Variants in PTPRD observed in about 807,000 individuals in gnomAD.
The protein encoded by PTPRD is protein tyrosine phosphatase receptor type D, also known as receptor-type tyrosine-protein phosphatase delta.
In PTPRD, 34 loss-of-function variants were observed where a neutral mutation model predicts 214.5. The observed-to-expected ratio is 0.16, with a 90% CI of 0.12 to 0.21. The LOEUF is 0.21. Among genes scored for constraint, PTPRD ranks in the 10% least tolerant of loss-of-function variants. The pLI, the probability that PTPRD is intolerant of heterozygous loss-of-function variation, is 1.00. For synonymous variants in PTPRD, 1,128 were observed against 845.7 expected (o/e 1.33, Z -5.79); for missense variants, 2,545 against 2,398.7 (o/e 1.06, Z -1.27).
At chr9:10,307,297 C>G (rs1156472931) in intron 3 of PTPRD, among the ~76,000 whole-genome samples, 1 of 152,102 alleles carries the variant, frequency 6.6e-6, no homozygotes, top group Non-Finnish European at 1.5e-5. Context: ...ACATTTTTAG[C>G]TCTCACATAT....
chr9:9,585,312 G>C (rs762874485), intron 7 of PTPRD, among the ~76,000 whole-genome samples: 33 of 152,072 alleles, frequency 2.2e-4, no homozygotes, highest in Non-Finnish European at 4.0e-4. Context: ...TTCGGATCCT[G>C]TCCTTTTTCT....
chr9:10,230,457 T>TATCC (rs1554901611), intron 3 of PTPRD, among the ~76,000 whole-genome samples: 45 of 151,658 alleles, frequency 3.0e-4, no homozygotes, highest in Admixed American at 5.3e-4. Flanking sequence ...TCTATCTATC[T>TATCC]ATCTATCTAT....
intron 3 of PTPRD, among the ~76,000 whole-genome samples, chr9:10,338,147 G>T (rs528761234): frequency 6.6e-6 from 1 of 151,588 alleles, no homozygotes; most frequent in African/African-American, 2.4e-5. Context: ...ACTGGGTCTT[G>T]CTAGCAGTAT....
chr9:8,812,512 A>T (rs2096830691), intron 11 of PTPRD, among the ~76,000 whole-genome samples: 1 of 152,212 alleles, frequency 6.6e-6, no homozygotes, highest in African/African-American at 2.4e-5. Context: ...TAGATGATAA[A>T]GTTATTTAAT....
At chr9:9,632,152 G>A (rs2095615487) in intron 7 of PTPRD, among the ~76,000 whole-genome samples, 1 of 152,126 alleles carries the variant, frequency 6.6e-6, no homozygotes, top group Non-Finnish European at 1.5e-5. Context: ...AACAATCCAA[G>A]TGTCCATGAA....
chr9:9,903,652 T>A (rs10739203), intron 5 of PTPRD, among the ~76,000 whole-genome samples: 94,773 of 151,886 alleles, frequency 0.62, 31,069 homozygotes, highest in Admixed American at 0.74. Flanking sequence ...ATTAAACAAA[T>A]CAATATGATT....
chr9:10,381,688 G>A (rs887496252), intron 2 of PTPRD, among the ~76,000 whole-genome samples: 1 of 151,880 alleles, frequency 6.6e-6, no homozygotes, highest in Non-Finnish European at 1.5e-5. Flanking sequence ...AGGAAACTAG[G>A]ATGTAGTTTA....
chr9:9,236,947 C>G (rs548978588), intron 9 of PTPRD, among the ~76,000 whole-genome samples: 9 of 152,204 alleles, frequency 5.9e-5, no homozygotes, highest in African/African-American at 1.2e-4. Flanking sequence ...TTTGCTTCCT[C>G]TTTGGAAACC....
In PTPRD at chr9:8,381,228, G is replaced by A. The variant is rs562149217; in HGVS notation, c.4387-4502C>T. Among the ~76,000 whole-genome samples, 6 of 152,280 alleles carry A rather than the reference G, an allele frequency of 3.9e-5. No individual in the cohort carries two copies. In the South Asian group the frequency reaches 1.2e-3, roughly 32 times the overall value. ...TAACACAAGTCACAGTTATTTTTGG[G>A]AGTAAGGAAATGTTGGTACCCTTTT... On this transcript the variant is annotated intron_variant, in intron 37 of 45. Coordinates refer to ENST00000381196, the MANE Select transcript of PTPRD (RefSeq NM_002839.4).
At chr9:9,900,020 G>A (rs780569906) in intron 5 of PTPRD, among the ~76,000 whole-genome samples, 6 of 152,050 alleles carry the variant, frequency 3.9e-5, no homozygotes, top group Admixed American at 2.0e-4. Flanking sequence ...GAGGCTGGGG[G>A]GAAAACAAGA....
chr9:9,046,267 T>C (rs1427081130), intron 10 of PTPRD, among the ~76,000 whole-genome samples: 2 of 152,190 alleles, frequency 1.3e-5, no homozygotes, highest in Non-Finnish European at 2.9e-5. Context: ...TTACAGATAA[T>C]TACTTAACTA....
At chr9:8,517,266 C>T (rs2097796528) in intron 21 of PTPRD, among the ~76,000 whole-genome samples, 1 of 152,124 alleles carries the variant, frequency 6.6e-6, no homozygotes, top group Non-Finnish European at 1.5e-5. Context: ...TCTGCTGTAG[C>T]TCTTAGCAAA....
chr9:8,563,747 C>T (rs1017288657), intron 14 of PTPRD, among the ~76,000 whole-genome samples: 1 of 152,154 alleles, frequency 6.6e-6, no homozygotes, highest in East Asian at 1.9e-4. Flanking sequence ...TTGCAACCTC[C>T]ACCCTCCAGG....
At chr9:9,303,624 GA>G (rs1956202236) in intron 9 of PTPRD, among the ~76,000 whole-genome samples, 1 of 152,010 alleles carries the variant, frequency 6.6e-6, no homozygotes, top group South Asian at 2.1e-4. Context: ...TTAGATTCAA[GA>G]AAAATGGGAA....
At chr9:9,824,016 G>A (rs2051767704) in intron 5 of PTPRD, among the ~76,000 whole-genome samples, 1 of 151,852 alleles carries the variant, frequency 6.6e-6, no homozygotes, top group Non-Finnish European at 1.5e-5. Flanking sequence ...TCATAAAAAT[G>A]TAAAAATGAA....
At chr9:10,483,462 A>G (rs770891446) in intron 2 of PTPRD, among the ~76,000 whole-genome samples, 7 of 152,122 alleles carry the variant, frequency 4.6e-5, no homozygotes, top group Non-Finnish European at 1.0e-4. Flanking sequence ...CTGTACAGCA[A>G]AAGAAATAAT....
intron 2 of PTPRD, among the ~76,000 whole-genome samples, chr9:10,599,441 G>A (rs973304124): frequency 4.0e-5 from 6 of 151,620 alleles, no homozygotes; most frequent in African/African-American, 1.5e-4. Context: ...CTTTTCTACT[G>A]CAGTGTAGCA....
At chr9:8,864,278 CA>C (rs1287422434) in intron 11 of PTPRD, among the ~76,000 whole-genome samples, 3 of 152,182 alleles carry the variant, frequency 2.0e-5, no homozygotes, top group Admixed American at 2.0e-4. Context: ...AAAAGTACTG[CA>C]GCATTTGTTT....
rs1199303922 is a variant in PTPRD at position 8,517,944 on chromosome 9, C to T, written c.1447G>A (p.Val483Met). The T allele has an allele frequency of 1.2e-6, 2 of 1,614,042 alleles. No individual in the cohort carries two copies. Among genetic ancestry groups the T allele is most frequent in the East Asian group, 4.5e-5 (2 of 44,874 alleles). Residue 483 changes from valine to methionine, a missense_variant, in exon 21 of 46, where the codon GTG becomes ATG. Transcript: ENST00000381196. ...DSQITTIGNL[V>M]PQKTYSVKVL... ...TTGACAGAATATGTTTTCTGGGGCA[C>T]TAAGTTGCCAATAGTAGTGATTTGG... is the stretch of plus-strand genomic sequence containing the variant.
Sources: allele counts gnomAD v4.1 joint callset (sites outside exome capture counted in the v4.1 genomes callset), GRCh38; gene constraint gnomAD v4.1.1; transcripts MANE v1.5; gene names NCBI Gene and HGNC (gene_info 2026-07-23, HGNC 2026-07-21).